PACSIN2: variants seen among roughly 807,000 people sequenced by gnomAD.
PACSIN2 encodes the protein protein kinase C and casein kinase substrate in neurons 2.
In PACSIN2, 25 loss-of-function variants were observed where a neutral mutation model predicts 63.8. The observed-to-expected ratio is 0.39, with a 90% CI of 0.29 to 0.55. The LOEUF (loss-of-function observed/expected upper bound fraction) is 0.55. Among genes scored for constraint, PACSIN2 ranks in the 20% least tolerant of loss-of-function variants. PACSIN2 has a pLI of 0.62. For synonymous variants in PACSIN2, 255 were observed against 256.2 expected (o/e 1.00, Z 0.05); for missense variants, 518 against 646.9 (o/e 0.80, Z 2.16).
At chr22:42,914,484 C>G (rs1206664637) in intron 1 of PACSIN2, among the ~76,000 whole-genome samples, 4 of 152,236 alleles carry the variant, frequency 2.6e-5, no homozygotes, top group Non-Finnish European at 5.9e-5. Flanking sequence ...ATCCACCCAC[C>G]TTGCCCTCCC....
chr22:42,940,299 T>C (rs949528300), intron 1 of PACSIN2, among the ~76,000 whole-genome samples: 3 of 152,268 alleles, frequency 2.0e-5, no homozygotes, highest in African/African-American at 7.2e-5. Flanking sequence ...AGGAAAGAAA[T>C]GTAGTGCAGA....
At chr22:42,941,704 G>C (rs538188491) in intron 1 of PACSIN2, among the ~76,000 whole-genome samples, 1 of 152,110 alleles carries the variant, frequency 6.6e-6, no homozygotes, top group Non-Finnish European at 1.5e-5. Context: ...AAGAAACGTC[G>C]GTTTAGATCC....
At chr22:42,961,672 C>T (rs1934140675) in intron 1 of PACSIN2, among the ~76,000 whole-genome samples, 1 of 152,024 alleles carries the variant, frequency 6.6e-6, no homozygotes, top group South Asian at 2.1e-4. Flanking sequence ...ACTCAGGAGG[C>T]TGAGGCACGA....
chr22:42,874,000 G>C (rs1010573679), intron 10 of PACSIN2, among the ~76,000 whole-genome samples: 2 of 152,220 alleles, frequency 1.3e-5, no homozygotes, highest in Admixed American at 6.5e-5. Flanking sequence ...ATGTTGGCCA[G>C]GCTGGTCTCA....
rs1257491669 is a variant in PACSIN2, at chr22:42,984,182, G to C, written c.-78+30839C>G. ...AGACGGAGTTTCGCCATGTTGCTCA[G>C]GCTGGTCTCAAACTCCCAAACTCAA... On this transcript the variant is annotated intron_variant, in intron 1 of 10. Coordinates refer to ENST00000263246, the MANE Select transcript of PACSIN2 (RefSeq NM_001184970.3). Among the ~76,000 whole-genome samples the C allele has an allele frequency of 2.6e-5, 4 of 151,874 alleles. No homozygotes were observed. The East Asian group carries it at 7.7e-4, about 29-fold the overall frequency.
intron 1 of PACSIN2, among the ~76,000 whole-genome samples, chr22:42,977,004 C>A (rs1246630863): frequency 6.6e-6 from 1 of 152,154 alleles, no homozygotes; most frequent in Non-Finnish European, 1.5e-5. Flanking sequence ...AAAAATTAAT[C>A]TTTTAATACA....
intron 1 of PACSIN2, among the ~76,000 whole-genome samples, chr22:42,982,896 A>AAAAAAAAAAG (rs1488940944): frequency 6.7e-6 from 1 of 148,280 alleles, no homozygotes; most frequent in African/African-American, 2.5e-5. Flanking sequence ...AAAAACAACA[A>AAAAAAAAAAG]CAAGGCTAGG....
chr22:42,946,258 G>A (rs1933415484), intron 1 of PACSIN2, among the ~76,000 whole-genome samples: 1 of 152,208 alleles, frequency 6.6e-6, no homozygotes, highest in African/African-American at 2.4e-5. Context: ...AGGGTCTCCA[G>A]AAGTATGGGT....
At chr22:43,004,905 C>A (rs2146923615) in intron 1 of PACSIN2, among the ~76,000 whole-genome samples, 1 of 152,284 alleles carries the variant, frequency 6.6e-6, no homozygotes, top group African/African-American at 2.4e-5. Flanking sequence ...TCTCTTTCTC[C>A]TCTAAACAAT....
rs113459245 is a variant in PACSIN2 at position 43,001,213 on chromosome 22, G to A, written c.-78+13808C>T. Among the ~76,000 whole-genome samples the A allele has an allele frequency of 3.3e-4, 50 of 152,318 alleles. 1 individual carries two copies. Among genetic ancestry groups the A allele is most frequent in the African/African-American group, 1.1e-3 (45 of 41,578 alleles). On this transcript the variant is annotated intron_variant, in intron 1 of 10. Transcript: ENST00000263246. ...GGAAATAAAATGGGAAGCTCCAAAC[G>A]ACAAAGGGGAGCTAAGAGCATATGG...
At position 42,870,606 on chromosome 22, in the gene PACSIN2, TAAGC is replaced by T. The variant is rs956141702; in HGVS notation, c.*747_*750del. On this transcript the variant is annotated 3_prime_UTR_variant, in exon 11 of 11. Transcript: ENST00000263246. ...GTTAATTTGCAAAAGAGTACAGTTT[TAAGC>T]AAGAATAGAGTGAAAATAATTTTTA... 6.6e-6 allele frequency: 1 copy of T among 152,208 alleles called. No individual in the cohort carries two copies. The highest frequency in any genetic ancestry group is 1.5e-5 in the Non-Finnish European group (1 of 68,034). 9.4% of individuals were successfully genotyped at this position (152,208 alleles called of 1,614,324 possible). A position where few individuals can be genotyped will look rare whatever the true frequency, so the allele number is the denominator to read the frequency against.
At chr22:42,920,226 G>A (rs8135830) in intron 1 of PACSIN2, among the ~76,000 whole-genome samples, 66,697 of 152,112 alleles carry the variant, frequency 0.44, 15,171 homozygotes, top group Non-Finnish European at 0.48. Context: ...AGGGCTACAC[G>A]TGAGGGAGAC....
chr22:42,890,893 G>C (rs760655190), intron 4 of PACSIN2, 54 bp downstream of exon 4: 5 of 1,439,782 alleles, frequency 3.5e-6, no homozygotes, highest in East Asian at 4.6e-5. Flanking sequence ...GGTGCTGCTA[G>C]TGGGGTGCCA....
At position 42,880,190 on chromosome 22, in the gene PACSIN2, A is replaced by G. The variant is rs1458038037; in HGVS notation, c.907-1021T>C. Among the ~76,000 whole-genome samples, 6 of 152,194 alleles carry G rather than the reference A, an allele frequency of 3.9e-5. No homozygotes were observed. The South Asian group carries it at 1.0e-3, about 26-fold the overall frequency. On this transcript the variant is annotated intron_variant, in intron 7 of 10. Coordinates refer to ENST00000263246, the MANE Select transcript of PACSIN2 (RefSeq NM_001184970.3). ...TACAGAACTTTTGGGTTGGAAGCCAACTCAGAAGCATCCTGTCTAACCTGT... is the reference window on the plus strand; with the variant it reads ...TACAGAACTTTTGGGTTGGAAGCCAGCTCAGAAGCATCCTGTCTAACCTGT...
chr22:42,993,673 C>T (rs528962822), intron 1 of PACSIN2: 2 of 152,300 alleles, frequency 1.3e-5, no homozygotes, highest in South Asian at 2.1e-4. Flanking sequence ...GATGATAACA[C>T]GATTGCAGAC....
chr22:42,882,334 G>A (rs1325505309), intron 6 of PACSIN2, 30 bp from the exon 7 acceptor site: 1 of 1,587,940 alleles, frequency 6.3e-7, no homozygotes, highest in Non-Finnish European at 8.6e-7. Context: ...GGCTCTTTTA[G>A]AAGGCAGGGG....
At chr22:42,888,826 C>T (rs1004239368) in intron 4 of PACSIN2, 28 bp from the exon 5 acceptor site, 11 of 1,612,304 alleles carry the variant, frequency 6.8e-6, no homozygotes, top group Admixed American at 3.3e-5. Flanking sequence ...TCCTGAATGC[C>T]ATGTCACTGG....
intron 1 of PACSIN2, among the ~76,000 whole-genome samples, chr22:42,973,111 C>T (rs1355802794): frequency 6.6e-6 from 1 of 152,146 alleles, no homozygotes; most frequent in East Asian, 1.9e-4. Flanking sequence ...GGGACATGAC[C>T]GTCAGCTCAA....
At position 42,984,980 on chromosome 22, in the gene PACSIN2, G is replaced by C. The variant is rs550742509; in HGVS notation, c.-78+30041C>G. On this transcript the variant is annotated intron_variant, in intron 1 of 10. Coordinates refer to ENST00000263246, the MANE Select transcript of PACSIN2 (RefSeq NM_001184970.3). ...GGATATATGTGGATTTGCTTGTTCT[G>C]TTTGGCAACCAAAGGTCAGGAAAGC... Among the ~76,000 whole-genome samples, 4 of 152,208 alleles carry C rather than the reference G, an allele frequency of 2.6e-5. No individual in the cohort carries two copies. The East Asian group carries it at 7.7e-4, about 29-fold the overall frequency.
Sources: gnomAD v4.1 joint callset for allele counts (sites outside exome capture counted in the v4.1 genomes callset) on GRCh38, gnomAD v4.1.1 for gene constraint, MANE v1.5 for transcripts, NCBI Gene and HGNC (gene_info 2026-07-23, HGNC 2026-07-21) for gene names.